Variants in PPP2R2C observed in about 807,000 individuals in gnomAD.
PPP2R2C encodes the protein protein phosphatase 2 regulatory subunit Bgamma.
PPP2R2C carries 10 observed loss-of-function variants against 45.3 expected under a neutral mutation model. The ratio of observed to expected loss-of-function variants is 0.22; its 90% CI spans 0.14 to 0.37. The LOEUF is 0.37. Ranked by LOEUF, PPP2R2C falls within the 10% of genes least tolerant of loss-of-function variation. The pLI, the probability that PPP2R2C is intolerant of heterozygous loss-of-function variation, is 1.00. For missense variants in PPP2R2C, 308 were observed against 619.7 expected, an observed-to-expected ratio of 0.50 and a Z score of 5.34; for synonymous variants, 257 against 245.4, an observed-to-expected ratio of 1.05 and a Z score of -0.44.
rs1392043171 is a variant in PPP2R2C, at chr4:6,329,741, C to T, written c.961-388G>A. Among the ~76,000 whole-genome samples, 1 of 152,174 alleles carries T rather than the reference C, an allele frequency of 6.6e-6. No homozygotes were observed. Among genetic ancestry groups the T allele is most frequent in the Admixed American group, 6.5e-5 (1 of 15,278 alleles). On this transcript the variant is annotated intron_variant, in intron 7 of 8. Coordinates refer to ENST00000382599, the MANE Select transcript of PPP2R2C (RefSeq NM_020416.4). This position sits in a 1 kb window ranked among gnomAD's most constrained non-coding sequence, Gnocchi z 5.8. ...CTGTGGCCAGAGACGGGAGTAGCAC[C>T]AGGGAGCAGAGTCCACTGTGACAAA...
intron 1 of PPP2R2C, among the ~76,000 whole-genome samples, chr4:6,422,508 CTG>C (rs1482161769): frequency 1.3e-5 from 2 of 152,220 alleles, no homozygotes; most frequent in East Asian, 3.8e-4. Context: ...GTGCCCCAGA[CTG>C]TGCCACTTAA....
chr4:6,465,681 C>T (rs1043839875), intron 1 of PPP2R2C, among the ~76,000 whole-genome samples: 3 of 151,860 alleles, frequency 2.0e-5, no homozygotes, highest in Non-Finnish European at 2.9e-5. Context: ...AAACTCTTAG[C>T]GTGCATTTTA....
rs967839382 is a variant in PPP2R2C at position 6,430,614 on chromosome 4, ACTC to A, written c.70+41543_70+41545del. On this transcript the variant is annotated intron_variant, in intron 1 of 8. Transcript: ENST00000382599. Reference sequence around the variant, plus strand: ...TCAGGCCAACTTTGTAATCCTATCCACTCCTCCTTTCAACAGCTTTGCAGATCC... The same window carrying A: ...TCAGGCCAACTTTGTAATCCTATCCACTCCTTTCAACAGCTTTGCAGATCC... Among the ~76,000 whole-genome samples, 174 of 151,762 alleles carry A rather than the reference ACTC, an allele frequency of 1.1e-3. 1 individual carries two copies. Among genetic ancestry groups the A allele is most frequent in the Non-Finnish European group, 2.2e-4 (15 of 67,892 alleles).
intron 2 of PPP2R2C, among the ~76,000 whole-genome samples, chr4:6,511,379 T>C (rs1365235296): frequency 1.3e-5 from 2 of 148,944 alleles, no homozygotes; most frequent in Non-Finnish European, 3.0e-5. Context: ...GTGGCGGTGA[T>C]GGTGGTGATG....
chr4:6,380,366 G>T, intron 2 of PPP2R2C: 1 of 152,690 alleles, frequency 6.5e-6, no homozygotes, highest in Non-Finnish European at 1.5e-5. Context: ...AGGTTGTCCA[G>T]GCCACTGCTG....
intron 1 of PPP2R2C, among the ~76,000 whole-genome samples, chr4:6,464,556 A>G (rs1481171509): frequency 6.6e-6 from 1 of 152,244 alleles, no homozygotes; most frequent in African/African-American, 2.4e-5. Flanking sequence ...AACAAAAGGA[A>G]AAAATGTTCA....
intron 5 of PPP2R2C, among the ~76,000 whole-genome samples, chr4:6,369,565 T>A (rs1560487663): frequency 6.6e-6 from 1 of 152,218 alleles, no homozygotes; most frequent in Non-Finnish European, 1.5e-5. Context: ...GGGGGTTTTG[T>A]GAATGACTGG....
intron 1 of PPP2R2C, among the ~76,000 whole-genome samples, chr4:6,419,398 C>T (rs1203065025): frequency 6.6e-6 from 1 of 151,706 alleles, no homozygotes; most frequent in Non-Finnish European, 1.5e-5. Flanking sequence ...TGCCACTGCA[C>T]TCCTAGGCGA....
intron 2 of PPP2R2C, among the ~76,000 whole-genome samples, chr4:6,513,787 C>A (rs2108807847): frequency 6.6e-6 from 1 of 152,312 alleles, no homozygotes; most frequent in East Asian, 1.9e-4. Flanking sequence ...GGTGGGCAGG[C>A]CAGGGAAGGG....
chr4:6,341,885 C>A (rs1733469339), intron 6 of PPP2R2C, among the ~76,000 whole-genome samples: 1 of 152,076 alleles, frequency 6.6e-6, no homozygotes, highest in Non-Finnish European at 1.5e-5. Flanking sequence ...TTCATTTTAG[C>A]CCGAGTTCCA....
At chr4:6,420,905 T>C (rs1259674522) in intron 1 of PPP2R2C, 2 of 964,996 alleles carry the variant, frequency 2.1e-6, no homozygotes, top group African/African-American at 1.8e-5. Context: ...GTAGATGATG[T>C]CCCATCATCT....
At chr4:6,348,151 A>T (rs1712178716) in intron 5 of PPP2R2C, 141 bp from the exon 6 acceptor site, 2 of 951,834 alleles carry the variant, frequency 2.1e-6, no homozygotes, top group African/African-American at 3.3e-5. Flanking sequence ...GACCCTCAAA[A>T]TGCGTCCCCC....
chr4:6,397,619 C>T (rs1214138687), intron 1 of PPP2R2C, among the ~76,000 whole-genome samples: 1 of 107,848 alleles, frequency 9.3e-6, no homozygotes, highest in Non-Finnish European at 2.2e-5. Flanking sequence ...ACAGAGAGGG[C>T]AGTGCAGCCT....
chr4:6,383,382 T>C, intron 1 of PPP2R2C: 1 of 1,289,826 alleles, frequency 7.8e-7, no homozygotes, highest in Non-Finnish European at 1.0e-6. Flanking sequence ...CTCGTGTTTT[T>C]AACTCAGCAA....
chr4:6,475,590 G>C (rs924657814), upstream of PPP2R2C, among the ~76,000 whole-genome samples: 2 of 152,178 alleles, frequency 1.3e-5, no homozygotes, highest in African/African-American at 2.4e-5. Flanking sequence ...ACCAGTGGAC[G>C]CATGCTGGCC....
intron 1 of PPP2R2C, among the ~76,000 whole-genome samples, chr4:6,425,520 G>A (rs1012403500): frequency 6.6e-6 from 1 of 152,218 alleles, no homozygotes; most frequent in African/African-American, 2.4e-5. Context: ...ATCAGCCCGA[G>A]AGCACAGCTC....
At chr4:6,476,782 G>A (rs1577211778), upstream of PPP2R2C, among the ~76,000 whole-genome samples, 1 of 152,036 alleles carries the variant, frequency 6.6e-6, no homozygotes, top group African/African-American at 2.4e-5. Flanking sequence ...TTTTTTTTCT[G>A]AGAAGCACTC....
At chr4:6,554,911 G>GAAGA (rs1294843786) in intron 1 of PPP2R2C, among the ~76,000 whole-genome samples, 51 of 84,196 alleles carry the variant, frequency 6.1e-4, no homozygotes, top group African/African-American at 2.2e-3. Flanking sequence ...AGGAAGGAAG[G>GAAGA]AAGGAAGGAA....
intron 1 of PPP2R2C, among the ~76,000 whole-genome samples, chr4:6,394,857 A>G (rs1045360241): frequency 6.6e-6 from 1 of 152,228 alleles, no homozygotes; most frequent in African/African-American, 2.4e-5. Flanking sequence ...AGGTCCCATC[A>G]CATCAGCGTG....
Sources: gnomAD v4.1 joint callset for allele counts (sites outside exome capture counted in the v4.1 genomes callset) on GRCh38, gnomAD v4.1.1 for gene constraint, Gnocchi (gnomAD v3.1) non-coding constraint, MANE v1.5 for transcripts, NCBI Gene and HGNC (gene_info 2026-07-23, HGNC 2026-07-21) for gene names.